Variants in NAALADL2 observed in about 807,000 individuals in gnomAD.
NAALADL2 encodes the protein N-acetylated alpha-linked acidic dipeptidase like 2.
In NAALADL2, 76 loss-of-function variants were observed where a neutral mutation model predicts 87.2. That is an observed-to-expected ratio of 0.87 (90% CI 0.72 to 1.05). NAALADL2 has a LOEUF of 1.05. NAALADL2 is among the 50% of genes least tolerant of loss of function. NAALADL2 has a pLI of 0.00. For missense variants in NAALADL2, 1,089 were observed against 945.8 expected (o/e 1.15, Z -1.99); for synonymous variants, 354 against 331.0 (o/e 1.07, Z -0.75).
chr3:174,572,444 G>A (rs1715040155), intron 2 of NAALADL2, among the ~76,000 whole-genome samples: 1 of 152,128 alleles, frequency 6.6e-6, no homozygotes, highest in East Asian at 1.9e-4. Flanking sequence ...CACTGTTAAT[G>A]ATGAACTTGA....
chr3:174,962,014 A>G (rs980824761), intron 1 of NAALADL2, among the ~76,000 whole-genome samples: 2 of 151,956 alleles, frequency 1.3e-5, no homozygotes, highest in Non-Finnish European at 2.9e-5. Flanking sequence ...ACAAAAGACC[A>G]TGAAGATTTT....
chr3:175,572,298 A>G (rs1435923012), intron 9 of NAALADL2, among the ~76,000 whole-genome samples: 2 of 152,046 alleles, frequency 1.3e-5, no homozygotes, highest in African/African-American at 4.8e-5. Context: ...CTCTCCATAA[A>G]TAGTCCACAT....
intron 11 of NAALADL2, among the ~76,000 whole-genome samples, chr3:175,643,519 A>G (rs1729573874): frequency 6.6e-6 from 1 of 152,226 alleles, no homozygotes; most frequent in Non-Finnish European, 1.5e-5. Context: ...GAAGAACACT[A>G]TCTTGACTGA....
At chr3:175,518,503 G>T (rs558111889) in intron 9 of NAALADL2, among the ~76,000 whole-genome samples, 1 of 152,294 alleles carries the variant, frequency 6.6e-6, no homozygotes, top group African/African-American at 2.4e-5. Context: ...TATGAAACTG[G>T]TTAATTTATT....
At chr3:174,950,172 G>A (rs1163482233) in intron 1 of NAALADL2, among the ~76,000 whole-genome samples, 1 of 151,912 alleles carries the variant, frequency 6.6e-6, no homozygotes, top group African/African-American at 2.4e-5. Flanking sequence ...GAGAAACTTT[G>A]GTCGCCCCCA....
intron 6 of NAALADL2, among the ~76,000 whole-genome samples, chr3:175,447,823 C>T (rs183272272): frequency 4.3e-4 from 65 of 152,242 alleles, no homozygotes; most frequent in Middle Eastern, 3.4e-3. Context: ...CATCATCGCC[C>T]GAGAGATGCT....
intron 3 of NAALADL2, among the ~76,000 whole-genome samples, chr3:174,776,754 CATG>C (rs1209711655): frequency 6.6e-6 from 1 of 152,072 alleles, no homozygotes; most frequent in African/African-American, 2.4e-5. Flanking sequence ...TTTTACGAAT[CATG>C]GTGGCAGTGT....
intron 3 of NAALADL2, chr3:175,235,832 A>G (rs573779024): frequency 1.1e-4 from 17 of 152,334 alleles, no homozygotes; most frequent in African/African-American, 4.1e-4. Flanking sequence ...GATACGCAAA[A>G]CTCATGAAAC....
intron 2 of NAALADL2, among the ~76,000 whole-genome samples, chr3:175,163,074 C>T (rs527366588): frequency 5.9e-5 from 9 of 151,946 alleles, no homozygotes; most frequent in South Asian, 4.1e-4. Flanking sequence ...ATATTGTTTC[C>T]GAAAAGTGTC....
intron 4 of NAALADL2, among the ~76,000 whole-genome samples, chr3:175,265,280 T>C (rs1327764857): frequency 1.3e-5 from 2 of 151,726 alleles, no homozygotes; most frequent in Non-Finnish European, 3.0e-5. Flanking sequence ...TTTTCTTATG[T>C]ATTTCAGTTT....
chr3:174,873,385 G>T (rs921420538), intron 1 of NAALADL2, among the ~76,000 whole-genome samples: 7 of 152,020 alleles, frequency 4.6e-5, no homozygotes, highest in African/African-American at 1.4e-4. Flanking sequence ...CTCCTGAGTA[G>T]CTGGGACTAC....
chr3:174,655,334 T>C (rs1724801099), intron 2 of NAALADL2, among the ~76,000 whole-genome samples: 1 of 151,210 alleles, frequency 6.6e-6, no homozygotes, highest in Non-Finnish European at 1.5e-5. Flanking sequence ...AAAGATGATT[T>C]TGAACTTTTT....
intron 6 of NAALADL2, among the ~76,000 whole-genome samples, chr3:175,453,130 G>A (rs960770228): frequency 1.3e-5 from 2 of 152,038 alleles, no homozygotes; most frequent in Admixed American, 6.6e-5. Context: ...ATTTCTCAAC[G>A]ATTTTACAGC....
In NAALADL2 at chr3:174,952,186, T is replaced by C. The variant is rs143111877; in HGVS notation, c.43+92736T>C. On this transcript the variant is annotated intron_variant, in intron 1 of 13. Transcript: ENST00000454872. Reference sequence around the variant, plus strand: ...TGGTAATCTGTTCATCTTTCTAACATAGTTCTTATCATATTACATTGCACT... The same window carrying C: ...TGGTAATCTGTTCATCTTTCTAACACAGTTCTTATCATATTACATTGCACT... 1.1e-3 allele frequency among the ~76,000 whole-genome samples: 175 copies of C among 152,304 alleles called. 2 individuals carry two copies. The highest frequency in any genetic ancestry group is 1.9e-3 in the East Asian group (10 of 5,186).
chr3:175,240,400 A>C (rs977567288), intron 3 of NAALADL2, among the ~76,000 whole-genome samples: 1 of 152,168 alleles, frequency 6.6e-6, no homozygotes, highest in African/African-American at 2.4e-5. Context: ...TCAGATGCCT[A>C]TTTTCTCACA....
intron 2 of NAALADL2, among the ~76,000 whole-genome samples, chr3:174,696,445 TTAAG>T (rs1269559670): frequency 2.0e-5 from 3 of 151,934 alleles, no homozygotes; most frequent in African/African-American, 7.2e-5. Context: ...CCTTGGCTGT[TTAAG>T]TAATTATCAG....
At chr3:175,305,918 T>C (rs1241824044) in intron 4 of NAALADL2, among the ~76,000 whole-genome samples, 1 of 152,204 alleles carries the variant, frequency 6.6e-6, no homozygotes, top group Non-Finnish European at 1.5e-5. Context: ...TTCTCTGCCT[T>C]TAATTTGCTG....
chr3:174,441,161 G>C (rs1026960574), intron 1 of NAALADL2: 5 of 152,276 alleles, frequency 3.3e-5, no homozygotes, highest in Admixed American at 3.3e-4. Flanking sequence ...CGACTGAGCT[G>C]TGGGCCGCAC....
intron 1 of NAALADL2, among the ~76,000 whole-genome samples, chr3:174,859,656 G>T (rs935684974): frequency 2.6e-5 from 4 of 152,058 alleles, no homozygotes; most frequent in Non-Finnish European, 4.4e-5. Flanking sequence ...TTTCTCAGTT[G>T]TTTACAAAGA....
Sources: gnomAD v4.1 joint callset for allele counts (sites outside exome capture counted in the v4.1 genomes callset) on GRCh38, gnomAD v4.1.1 for gene constraint, MANE v1.5 for transcripts, NCBI Gene and HGNC (gene_info 2026-07-23, HGNC 2026-07-21) for gene names.